RBFOX1: variants seen among roughly 807,000 people sequenced by gnomAD.
The protein encoded by RBFOX1 is RNA binding protein fox-1 homolog 1.
A neutral mutation model predicts 57.7 loss-of-function variants in RBFOX1; 8 were observed. The ratio of observed to expected loss-of-function variants is 0.14; its 90% CI spans 0.08 to 0.25. The LOEUF (loss-of-function observed/expected upper bound fraction) is 0.25. Ranked by LOEUF, RBFOX1 falls within the 10% of genes least tolerant of loss-of-function variation. RBFOX1 has a pLI of 1.00. For missense variants in RBFOX1, 611 were observed against 548.5 expected, an observed-to-expected ratio of 1.11 and a Z score of -1.14; for synonymous variants, 326 against 222.4, an observed-to-expected ratio of 1.47 and a Z score of -4.15.
chr16:6,634,276 G>T (rs887033426), intron 2 of RBFOX1, among the ~76,000 whole-genome samples: 1 of 152,002 alleles, frequency 6.6e-6, no homozygotes, highest in Non-Finnish European at 1.5e-5. Flanking sequence ...AGTGCAACAG[G>T]AAAGCAGATT....
chr16:6,135,057 C>T (rs564529605), intron 1 of RBFOX1, among the ~76,000 whole-genome samples: 5 of 152,112 alleles, frequency 3.3e-5, no homozygotes, highest in South Asian at 2.1e-4. Flanking sequence ...CAAGTGTTCT[C>T]GTTGTTCAAT....
At chr16:6,591,261 C>T (rs1003381103) in intron 2 of RBFOX1, among the ~76,000 whole-genome samples, 1 of 152,146 alleles carries the variant, frequency 6.6e-6, no homozygotes, top group African/African-American at 2.4e-5. Context: ...GCCTGGCCAA[C>T]ATGATGAAAC....
At chr16:7,564,162 G>A (rs1414408772) in intron 5 of RBFOX1, among the ~76,000 whole-genome samples, 3 of 152,088 alleles carry the variant, frequency 2.0e-5, no homozygotes, top group Non-Finnish European at 2.9e-5. Context: ...TTAAGGCCAC[G>A]AGAGTAGAGC....
At chr16:7,528,256 C>T (rs2079148425) in intron 5 of RBFOX1, among the ~76,000 whole-genome samples, 1 of 152,180 alleles carries the variant, frequency 6.6e-6, no homozygotes, top group Non-Finnish European at 1.5e-5. Context: ...ACTTTGTCCT[C>T]ATTTGGTGCT....
intron 1 of RBFOX1, among the ~76,000 whole-genome samples, chr16:6,082,485 C>T (rs2096018641): frequency 6.8e-6 from 1 of 147,902 alleles, no homozygotes; most frequent in Admixed American, 7.0e-5. Context: ...GCATTTTAGG[C>T]ACTATGCTTT....
At chr16:6,961,582 G>T (rs549416523) in intron 3 of RBFOX1, among the ~76,000 whole-genome samples, 1 of 152,318 alleles carries the variant, frequency 6.6e-6, no homozygotes, top group South Asian at 2.1e-4. Flanking sequence ...TCCATAGGCA[G>T]AGCAGCTCTG....
intron 2 of RBFOX1, among the ~76,000 whole-genome samples, chr16:6,501,243 A>C (rs552354483): frequency 1.1e-3 from 157 of 141,984 alleles, no homozygotes; most frequent in Non-Finnish European, 2.0e-3. Context: ...GCACCCATCA[A>C]CTCTTCATTT....
intron 3 of RBFOX1, among the ~76,000 whole-genome samples, chr16:5,659,598 C>T (rs1342219300): frequency 1.3e-5 from 2 of 152,110 alleles, no homozygotes; most frequent in Non-Finnish European, 2.9e-5. Context: ...CCACACCGTG[C>T]CTGGCCGGTA....
chr16:5,746,458 T>C lies in RBFOX1; in HGVS notation c.319-120845T>C, dbSNP rs571117606. On this transcript the variant is annotated intron_variant, in intron 3 of 19. Coordinates refer to the RBFOX1 transcript ENST00000641259. ...GTTCCATATGAACTTTAAAGTAGTT[T>C]TTTCCAATTCTGTGAAGAAAGTCAT... Among the ~76,000 whole-genome samples, 3 of 152,336 alleles carry C rather than the reference T, an allele frequency of 2.0e-5. No individual in the cohort carries two copies. The South Asian group carries it at 6.2e-4, about 32-fold the overall frequency.
At chr16:6,884,743 C>G (rs1419469654) in intron 3 of RBFOX1, among the ~76,000 whole-genome samples, 1 of 151,944 alleles carries the variant, frequency 6.6e-6, no homozygotes, top group African/African-American at 2.4e-5. Context: ...ACTAAAAATA[C>G]AAAAATTAGC....
At chr16:5,901,744 T>G (rs893880893) in intron 4 of RBFOX1, among the ~76,000 whole-genome samples, 8 of 152,230 alleles carry the variant, frequency 5.3e-5, no homozygotes, top group African/African-American at 1.7e-4. Flanking sequence ...CAGAATTTTT[T>G]GGGGGCAGTG....
chr16:7,359,897 T>C (rs960260108), intron 4 of RBFOX1, among the ~76,000 whole-genome samples: 1 of 151,564 alleles, frequency 6.6e-6, no homozygotes, highest in East Asian at 2.0e-4. Flanking sequence ...GGCAGGGGAA[T>C]GGTGTGAACC....
At chr16:6,534,533 C>T (rs2096709173) in intron 2 of RBFOX1, among the ~76,000 whole-genome samples, 3 of 152,140 alleles carry the variant, frequency 2.0e-5, no homozygotes, top group African/African-American at 7.2e-5. Flanking sequence ...TGGGAAAGGA[C>T]ATCCTGTTCA....
At chr16:7,382,986 C>T (rs1474706678) in intron 4 of RBFOX1, among the ~76,000 whole-genome samples, 1 of 152,038 alleles carries the variant, frequency 6.6e-6, no homozygotes, top group South Asian at 2.1e-4. Flanking sequence ...AGCCAATGAG[C>T]TGTTCATTAA....
At chr16:6,538,443 G>A (rs980500802) in intron 2 of RBFOX1, among the ~76,000 whole-genome samples, 15 of 152,260 alleles carry the variant, frequency 9.9e-5, no homozygotes, top group Middle Eastern at 3.4e-3. Flanking sequence ...AGTGAGTGGT[G>A]ATTGCGCTAC....
At chr16:6,223,588 AT>A (rs1256103659) in intron 1 of RBFOX1, among the ~76,000 whole-genome samples, 1 of 152,054 alleles carries the variant, frequency 6.6e-6, no homozygotes, top group African/African-American at 2.4e-5. Flanking sequence ...TTCATTGTAG[AT>A]TCTGGATATC....
intron 3 of RBFOX1, among the ~76,000 whole-genome samples, chr16:6,945,347 G>C (rs969651553): frequency 6.6e-6 from 1 of 152,152 alleles, no homozygotes; most frequent in Non-Finnish European, 1.5e-5. Context: ...GACAGTTAAT[G>C]TTATCAGTCA....
chr16:6,217,449 G>C (rs2097343139), intron 1 of RBFOX1, among the ~76,000 whole-genome samples: 1 of 152,106 alleles, frequency 6.6e-6, no homozygotes, highest in South Asian at 2.1e-4. Flanking sequence ...GTATTATCGG[G>C]ACCTTCCTGG....
chr16:7,391,577 A>G (rs185788575), intron 4 of RBFOX1, among the ~76,000 whole-genome samples: 1 of 152,276 alleles, frequency 6.6e-6, no homozygotes, highest in Admixed American at 6.5e-5. Context: ...AAGTACCTTT[A>G]CTGTATCACT....
Sources: gnomAD v4.1 joint callset for allele counts (sites outside exome capture counted in the v4.1 genomes callset) on GRCh38, gnomAD v4.1.1 for gene constraint, MANE v1.5 for transcripts, NCBI Gene and HGNC (gene_info 2026-07-23, HGNC 2026-07-21) for gene names.